MYO6: variants seen among roughly 807,000 people sequenced by gnomAD.
MYO6 encodes unconventional myosin-VI.
MYO6 carries 74 observed loss-of-function variants against 178.7 expected under a neutral mutation model. That is an observed-to-expected ratio of 0.41 (90% CI 0.34 to 0.50). The LOEUF (loss-of-function observed/expected upper bound fraction) is 0.50, where lower values mean the gene tolerates loss of function less well. Among genes scored for constraint, MYO6 ranks in the 20% least tolerant of loss-of-function variants. MYO6 has a pLI of 0.09. For missense variants in MYO6, 1,330 were observed against 1,547.4 expected, an observed-to-expected ratio of 0.86 and a Z score of 2.36; for synonymous variants, 477 against 504.6, an observed-to-expected ratio of 0.95 and a Z score of 0.73.
intron 2 of MYO6, among the ~76,000 whole-genome samples, chr6:75,820,327 A>G (rs1294992679): frequency 6.6e-6 from 1 of 151,990 alleles, no homozygotes; most frequent in African/African-American, 2.4e-5. Context: ...CATTGCTAAC[A>G]TTGCTCCTGC....
At chr6:75,750,700 G>A (rs908723595) in intron 1 of MYO6, among the ~76,000 whole-genome samples, 1 of 151,006 alleles carries the variant, frequency 6.6e-6, no homozygotes, top group Non-Finnish European at 1.5e-5. Context: ...TCCCTCAGCC[G>A]CCCGAGTGGC....
rs118150200 is a variant in MYO6 at position 75,812,333 on chromosome 6, T to C, written c.-47-5168T>C. Reference sequence around the variant, plus strand: ...AATTTTTTTTGTGTGTGTTGATACATAGTAGGTGTGTATATTATGGGGTAC... The same window carrying C: ...AATTTTTTTTGTGTGTGTTGATACACAGTAGGTGTGTATATTATGGGGTAC... On this transcript the variant is annotated intron_variant, in intron 1 of 34. Coordinates refer to ENST00000369977, the MANE Select transcript of MYO6 (RefSeq NM_004999.4). Among the ~76,000 whole-genome samples, 188 of 152,252 alleles carry C rather than the reference T, an allele frequency of 1.2e-3. 4 individuals carry two copies. The East Asian group carries it at 0.033, about 27-fold the overall frequency.
At chr6:75,765,061 AAGTT>A (rs1359778491) in intron 1 of MYO6, among the ~76,000 whole-genome samples, 1 of 151,850 alleles carries the variant, frequency 6.6e-6, no homozygotes, top group East Asian at 1.9e-4. Context: ...GCAGAACTGA[AAGTT>A]AATTCATAAG....
At chr6:75,772,087 T>C (rs1353806189) in intron 1 of MYO6, among the ~76,000 whole-genome samples, 1 of 152,194 alleles carries the variant, frequency 6.6e-6, no homozygotes, top group Non-Finnish European at 1.5e-5. Flanking sequence ...TTGAAACTAA[T>C]ACTGTTGAGT....
rs772894514 is a variant in MYO6, at chr6:75,866,582, C to T, written c.1731C>T (p.Phe577=). ...GGAATATCAGAGACGACGAAGGCTT[C>T]ATTATCAGGCATTTTGCGGGGGCAG... ...VHRNIRDDEG[F]IIRHFAGAVC... Residue 577 remains phenylalanine (F), a synonymous_variant, in exon 17 of 35, where the codon TTC becomes TTT. Transcript: ENST00000369977. The T allele has an allele frequency of 6.2e-7, 1 of 1,614,052 alleles. No individual in the cohort carries two copies. Among genetic ancestry groups the T allele is most frequent in the Non-Finnish European group, 8.5e-7 (1 of 1,179,950 alleles).
intron 30 of MYO6, among the ~76,000 whole-genome samples, chr6:75,902,866 G>C (rs1779929118): frequency 6.6e-6 from 1 of 151,544 alleles, no homozygotes; most frequent in Non-Finnish European, 1.5e-5. Flanking sequence ...GGCATTTAGT[G>C]CTATAAATTT....
chr6:75,873,182 A>G (rs1777286339), intron 19 of MYO6, 25 bp from the exon 20 acceptor site: 1 of 1,585,150 alleles, frequency 6.3e-7, no homozygotes, highest in East Asian at 2.2e-5. Context: ...ATGTATTGTA[A>G]CAAAAAGTAC....
chr6:75,848,069 G>A (rs915016060), intron 10 of MYO6, among the ~76,000 whole-genome samples: 2 of 151,882 alleles, frequency 1.3e-5, no homozygotes, highest in African/African-American at 2.4e-5. Context: ...ACTTTAGAGC[G>A]AAAATTGTAA....
At position 75,790,759 on chromosome 6, in the gene MYO6, T is replaced by A. The variant is rs1768146431; in HGVS notation, c.-47-26742T>A. ...TAGTATATATTTTTTGGATTACTGA[T>A]TAGATTGAACATTTGATCACATTAA... On this transcript the variant is annotated intron_variant, in intron 1 of 34. Coordinates refer to ENST00000369977, the MANE Select transcript of MYO6 (RefSeq NM_004999.4). 5.9e-5 allele frequency among the ~76,000 whole-genome samples: 9 copies of A among 152,156 alleles called. No homozygotes were observed. In the South Asian group the frequency reaches 1.9e-3, roughly 32 times the overall value.
chr6:75,801,940 CAA>C (rs78453735), intron 1 of MYO6, among the ~76,000 whole-genome samples: 13 of 132,474 alleles, frequency 9.8e-5, no homozygotes, highest in African/African-American at 3.0e-4. Flanking sequence ...GACTTCATCT[CAA>C]AAAAAAAAAA....
intron 22 of MYO6, 50 bp downstream of exon 22, chr6:75,880,170 T>G (rs1223022414): frequency 7.6e-7 from 1 of 1,320,012 alleles, no homozygotes; most frequent in Non-Finnish European, 1.1e-6. Context: ...AAACAAATAG[T>G]TGGGGTTAGT....
chr6:75,903,634 A>G (rs980490861), intron 30 of MYO6, among the ~76,000 whole-genome samples: 1 of 151,756 alleles, frequency 6.6e-6, no homozygotes, highest in Non-Finnish European at 1.5e-5. Flanking sequence ...TGCACGTGAG[A>G]TGGGTTTCCT....
At chr6:75,788,537 T>G (rs1207029541) in intron 1 of MYO6, among the ~76,000 whole-genome samples, 2 of 152,228 alleles carry the variant, frequency 1.3e-5, no homozygotes, top group Non-Finnish European at 2.9e-5. Context: ...TTTACTTATG[T>G]TCTCCCCACT....
intron 1 of MYO6, among the ~76,000 whole-genome samples, chr6:75,754,118 G>C (rs1388037007): frequency 1.3e-5 from 2 of 152,208 alleles, no homozygotes; most frequent in Non-Finnish European, 2.9e-5. Context: ...CATTCCTTCA[G>C]TGTATATTCA....
intron 11 of MYO6, among the ~76,000 whole-genome samples, chr6:75,851,203 T>A (rs1453553514): frequency 6.6e-6 from 1 of 152,216 alleles, no homozygotes; most frequent in Non-Finnish European, 1.5e-5. Context: ...TGTTGCATGA[T>A]CAAGTTATTT....
At chr6:75,907,176 C>T (rs897959960) in intron 30 of MYO6, among the ~76,000 whole-genome samples, 7 of 152,190 alleles carry the variant, frequency 4.6e-5, no homozygotes, top group Non-Finnish European at 8.8e-5. Context: ...CAGGTGATCG[C>T]ACTGTGCAGC....
chr6:75,787,959 C>A, intron 1 of MYO6, among the ~76,000 whole-genome samples: 1 of 150,838 alleles, frequency 6.6e-6, no homozygotes, highest in Non-Finnish European at 1.5e-5. Context: ...AGGAGTCTCA[C>A]TATGTTGCCC....
chr6:75,899,067 A>C (rs1337061417), intron 30 of MYO6, among the ~76,000 whole-genome samples: 3 of 152,156 alleles, frequency 2.0e-5, no homozygotes, highest in Non-Finnish European at 4.4e-5. Context: ...TCAGCAAATT[A>C]CCCCTTTACT....
intron 10 of MYO6, among the ~76,000 whole-genome samples, chr6:75,846,195 A>T (rs1774717019): frequency 6.6e-6 from 1 of 151,992 alleles, no homozygotes; most frequent in Admixed American, 6.6e-5. Flanking sequence ...GCAGTGTTTA[A>T]TAAGTGATAT....
Sources: gnomAD v4.1 joint callset for allele counts (sites outside exome capture counted in the v4.1 genomes callset) on GRCh38, gnomAD v4.1.1 for gene constraint, MANE v1.5 for transcripts, NCBI Gene and HGNC (gene_info 2026-07-23, HGNC 2026-07-21) for gene names.